The following CREB5 variants were observed in gnomAD, a reference collection of about 807,000 sequenced individuals.
CREB5 encodes the protein cyclic AMP-responsive element-binding protein 5.
CREB5 carries 19 observed loss-of-function variants against 57.1 expected under a neutral mutation model. The observed-to-expected ratio is 0.33, with a 90% CI of 0.23 to 0.49. The LOEUF is 0.49. Among genes scored for constraint, CREB5 ranks in the 20% least tolerant of loss-of-function variants. CREB5 has a pLI of 0.99. For synonymous variants in CREB5, 238 were observed against 238.3 expected (o/e 1.00, Z 0.01); for missense variants, 579 against 671.6 (o/e 0.86, Z 1.52).
chr7:28,330,569 A>C (rs1273766049), intron 1 of CREB5, among the ~76,000 whole-genome samples: 1 of 151,272 alleles, frequency 6.6e-6, no homozygotes, highest in Non-Finnish European at 1.5e-5. Flanking sequence ...TTGATGATTC[A>C]TTTAGTTTGT....
At chr7:28,773,707 T>C (rs1454943323) in intron 7 of CREB5, among the ~76,000 whole-genome samples, 3 of 152,200 alleles carry the variant, frequency 2.0e-5, no homozygotes, top group Non-Finnish European at 4.4e-5. Context: ...CTTTCCCTGT[T>C]TGGAATGGTT....
chr7:28,340,128 C>A (rs577531461), intron 1 of CREB5, among the ~76,000 whole-genome samples: 26 of 152,240 alleles, frequency 1.7e-4, no homozygotes, highest in African/African-American at 6.3e-4. Context: ...TGTGCCCTAC[C>A]CCACTGTGGC....
At chr7:28,357,690 G>A (rs1421949792) in intron 1 of CREB5, among the ~76,000 whole-genome samples, 1 of 152,154 alleles carries the variant, frequency 6.6e-6, no homozygotes, top group Non-Finnish European at 1.5e-5. Flanking sequence ...TGCTCCTGGG[G>A]AACACGGAGT....
chr7:28,808,023 T>G (rs1164110077), intron 8 of CREB5, among the ~76,000 whole-genome samples: 1 of 152,234 alleles, frequency 6.6e-6, no homozygotes, highest in East Asian at 1.9e-4. Context: ...ATAGTAAAAC[T>G]TTTTAATAAA....
At chr7:28,679,478 G>A (rs748698290) in intron 5 of CREB5, among the ~76,000 whole-genome samples, 2 of 152,124 alleles carry the variant, frequency 1.3e-5, no homozygotes, top group African/African-American at 4.8e-5. Flanking sequence ...GAGATTTCAG[G>A]GTGTAAAAGG....
At chr7:28,371,165 G>T (rs558415482) in intron 1 of CREB5, among the ~76,000 whole-genome samples, 1 of 152,098 alleles carries the variant, frequency 6.6e-6, no homozygotes, top group Non-Finnish European at 1.5e-5. Flanking sequence ...TAAAGAGACC[G>T]GGCAGCAGCA....
At chr7:28,751,120 C>G (rs919830127) in intron 7 of CREB5, among the ~76,000 whole-genome samples, 8 of 149,656 alleles carry the variant, frequency 5.3e-5, no homozygotes, top group African/African-American at 2.0e-4. Context: ...CCCCATTAAC[C>G]AACAAACGAA....
chr7:28,774,585 C>G (rs766645311), intron 7 of CREB5, among the ~76,000 whole-genome samples: 1 of 152,146 alleles, frequency 6.6e-6, no homozygotes, highest in South Asian at 2.1e-4. Flanking sequence ...AATTGCCAAC[C>G]CTTCGACTCT....
chr7:28,823,063 G>A lies in CREB5; in HGVS notation c.*3784G>A, dbSNP rs1809872519. The A allele has an allele frequency of 6.6e-6, 1 of 152,624 alleles. No homozygotes were observed. The highest frequency in any genetic ancestry group is 1.5e-5 in the Non-Finnish European group (1 of 68,050). 9.5% of individuals were successfully genotyped at this position (152,624 alleles called of 1,614,324 possible). On this transcript the variant is annotated 3_prime_UTR_variant, in exon 11 of 11. Coordinates refer to ENST00000357727, the MANE Select transcript of CREB5 (RefSeq NM_182898.4). ...GACGTCGACGGTGAATGTTCTGGTG[G>A]TTGTTGCCTGTTAAGTAAACTTTAG...
rs532334560 is a variant in CREB5 at position 28,555,787 on chromosome 7, A to G, written c.292-14578A>G. 1.8e-3 allele frequency among the ~76,000 whole-genome samples: 275 copies of G among 152,324 alleles called. 3 individuals are homozygous for G. The highest frequency in any genetic ancestry group is 3.3e-3 in the South Asian group (16 of 4,826). ...TTCACTTACTGAAAGCTCCAGCAAT[A>G]TGGGTGTTGTTCTTATGTGAATCCC... On this transcript the variant is annotated intron_variant, in intron 4 of 10. Transcript: ENST00000357727.
intron 1 of CREB5, among the ~76,000 whole-genome samples, chr7:28,462,054 A>G (rs1475039848): frequency 6.6e-6 from 1 of 152,150 alleles, no homozygotes; most frequent in African/African-American, 2.4e-5. Context: ...CCTTGTATCA[A>G]TTAGCAGTCA....
rs75792284 is a variant in CREB5 at position 28,753,370 on chromosome 7, G to A, written c.702+29038G>A. Reference sequence around the variant, plus strand: ...ACAGAATGTCCCTAATCTCTCTCTCGTGCATGCATACACACACACACACAC... The same window carrying A: ...ACAGAATGTCCCTAATCTCTCTCTCATGCATGCATACACACACACACACAC... On this transcript the variant is annotated intron_variant, in intron 7 of 10. Transcript: ENST00000357727. Among the ~76,000 whole-genome samples the A allele has an allele frequency of 4.0e-3, 610 of 151,890 alleles. 5 individuals carry two copies. Among genetic ancestry groups the A allele is most frequent in the African/African-American group, 0.014 (589 of 41,460 alleles).
At chr7:28,558,169 C>T (rs1162413286) in intron 4 of CREB5, among the ~76,000 whole-genome samples, 1 of 152,160 alleles carries the variant, frequency 6.6e-6, no homozygotes, top group Non-Finnish European at 1.5e-5. Context: ...CAGACTAAGC[C>T]TCTCACTGAG....
At chr7:28,755,319 A>G (rs1163471044) in intron 7 of CREB5, among the ~76,000 whole-genome samples, 1 of 152,244 alleles carries the variant, frequency 6.6e-6, no homozygotes, top group African/African-American at 2.4e-5. Flanking sequence ...TTGGTGCCGT[A>G]TTTATAACAG....
chr7:28,526,701 A>G (rs1793462196), intron 4 of CREB5, among the ~76,000 whole-genome samples: 1 of 152,250 alleles, frequency 6.6e-6, no homozygotes. Flanking sequence ...GTGCAGCCAC[A>G]TGGACTGGCC....
chr7:28,412,605 G>A lies in CREB5; in HGVS notation c.-310G>A. On this transcript the variant is annotated 5_prime_UTR_variant, in exon 1 of 11. Transcript: ENST00000357727. The stretch of plus-strand genomic sequence containing the variant: ...ATTTTTAGTCACATTTTCCATGTCA[G>A]TTAAATCTAGGGAGTTCAAGACTAC... 1 of 276,782 alleles carries A rather than the reference G, an allele frequency of 3.6e-6. No individual in the cohort carries two copies. Among genetic ancestry groups the A allele is most frequent in the Non-Finnish European group, 6.7e-6 (1 of 149,270 alleles). The allele number at this position is 276,782 out of a possible 1,614,324, so 17.1% of individuals were successfully genotyped here.
chr7:28,387,178 A>G (rs1017488816), intron 1 of CREB5, among the ~76,000 whole-genome samples: 9 of 152,214 alleles, frequency 5.9e-5, no homozygotes, highest in Non-Finnish European at 1.3e-4. Flanking sequence ...GGTTGAACTA[A>G]TATACACTCC....
chr7:28,419,096 A>C (rs1236904757), intron 1 of CREB5, among the ~76,000 whole-genome samples: 1 of 152,220 alleles, frequency 6.6e-6, no homozygotes, highest in Admixed American at 6.5e-5. Flanking sequence ...GCATGGAGAC[A>C]TCTGTTGCAA....
intron 1 of CREB5, among the ~76,000 whole-genome samples, chr7:28,367,473 T>G (rs1315937202): frequency 6.6e-6 from 1 of 152,170 alleles, no homozygotes; most frequent in Non-Finnish European, 1.5e-5. Context: ...TGATTTCTCT[T>G]TTTCATCACT....
Sources: gnomAD v4.1 joint callset for allele counts (sites outside exome capture counted in the v4.1 genomes callset) on GRCh38, gnomAD v4.1.1 for gene constraint, MANE v1.5 for transcripts, NCBI Gene and HGNC (gene_info 2026-07-23, HGNC 2026-07-21) for gene names.